The following KIAA1217 variants were observed in gnomAD, a reference collection of about 807,000 sequenced individuals.
KIAA1217 encodes the protein sickle tail protein homolog.
KIAA1217 carries 88 observed loss-of-function variants against 163.9 expected under a neutral mutation model. The ratio of observed to expected loss-of-function variants is 0.54; its 90% CI spans 0.45 to 0.64. The LOEUF (loss-of-function observed/expected upper bound fraction) is 0.64. Among genes scored for constraint, KIAA1217 ranks in the 30% least tolerant of loss-of-function variants. KIAA1217 has a pLI of 0.00. For synonymous variants in KIAA1217, 903 were observed against 923.1 expected (o/e 0.98, Z 0.39); for missense variants, 2,372 against 2,475.0 (o/e 0.96, Z 0.88).
chr10:24,214,314 C>T (rs1432894039), intron 1 of KIAA1217, among the ~76,000 whole-genome samples: 1 of 152,186 alleles, frequency 6.6e-6, no homozygotes, highest in Non-Finnish European at 1.5e-5. Flanking sequence ...GTTAATTGTT[C>T]ACTCAGACAC....
At chr10:24,082,865 G>A (rs1268487232) in intron 2 of KIAA1217, among the ~76,000 whole-genome samples, 2 of 152,202 alleles carry the variant, frequency 1.3e-5, no homozygotes, top group Non-Finnish European at 2.9e-5. Flanking sequence ...CCCACCAACA[G>A]TGTAAAAGTG....
At chr10:23,882,669 C>T (rs2131193170) in intron 1 of KIAA1217, among the ~76,000 whole-genome samples, 1 of 152,014 alleles carries the variant, frequency 6.6e-6, no homozygotes, top group Middle Eastern at 3.4e-3. Context: ...GTGTTCGTCA[C>T]TCAAGATAGC....
chr10:24,470,534 G>A (rs562924770), intron 5 of KIAA1217, among the ~76,000 whole-genome samples: 4 of 152,136 alleles, frequency 2.6e-5, no homozygotes, highest in Non-Finnish European at 5.9e-5. Flanking sequence ...CCTGGAGTGA[G>A]GACAGCATCA....
intron 3 of KIAA1217, among the ~76,000 whole-genome samples, chr10:24,424,282 C>T (rs183958698): frequency 5.3e-5 from 8 of 152,276 alleles, no homozygotes; most frequent in Admixed American, 6.5e-5. Flanking sequence ...AACACACACA[C>T]CCTTGTTCAA....
intron 2 of KIAA1217, among the ~76,000 whole-genome samples, chr10:24,348,126 G>T (rs1447316366): frequency 6.6e-6 from 1 of 152,202 alleles, no homozygotes; most frequent in East Asian, 1.9e-4. Context: ...GGAGGCAGAG[G>T]CAGGTAGATC....
intron 2 of KIAA1217, among the ~76,000 whole-genome samples, chr10:24,141,497 T>G (rs1425798975): frequency 6.6e-6 from 1 of 152,186 alleles, no homozygotes; most frequent in East Asian, 1.9e-4. Flanking sequence ...GCAGAGATAT[T>G]GCAGAAAAGG....
At chr10:23,717,196 C>A (rs1459913013) in intron 1 of KIAA1217, among the ~76,000 whole-genome samples, 3 of 152,084 alleles carry the variant, frequency 2.0e-5, no homozygotes, top group Non-Finnish European at 2.9e-5. Context: ...TAAAATGCTT[C>A]CTGGTATTAA....
intron 1 of KIAA1217, among the ~76,000 whole-genome samples, chr10:23,809,754 CACTT>C (rs1169034648): frequency 6.6e-6 from 1 of 151,910 alleles, no homozygotes; most frequent in African/African-American, 2.4e-5. Flanking sequence ...AAGAAAAAAT[CACTT>C]ACAATAGTAT....
intron 1 of KIAA1217, among the ~76,000 whole-genome samples, chr10:23,876,273 C>A (rs1840689389): frequency 6.6e-6 from 1 of 151,464 alleles, no homozygotes; most frequent in African/African-American, 2.4e-5. Context: ...AGTGGGAGCA[C>A]AACACTGGGT....
chr10:24,233,654 T>G (rs749365648), intron 2 of KIAA1217, among the ~76,000 whole-genome samples: 13 of 152,230 alleles, frequency 8.5e-5, no homozygotes, highest in Non-Finnish European at 1.5e-4. Flanking sequence ...TTCTTACTTT[T>G]AAATTTCGCT....
At chr10:24,108,091 C>A (rs1051963464) in intron 2 of KIAA1217, among the ~76,000 whole-genome samples, 7 of 152,080 alleles carry the variant, frequency 4.6e-5, no homozygotes, top group Admixed American at 2.0e-4. Flanking sequence ...CAAGAAGGTT[C>A]CAGAAGCCTG....
chr10:23,978,719 G>A (rs542870799), intron 1 of KIAA1217, among the ~76,000 whole-genome samples: 53 of 151,992 alleles, frequency 3.5e-4, no homozygotes, highest in Non-Finnish European at 3.1e-4. Flanking sequence ...ATACATACTA[G>A]TATGTGACAT....
chr10:24,078,067 C>T (rs781154985), intron 2 of KIAA1217, among the ~76,000 whole-genome samples: 12 of 152,070 alleles, frequency 7.9e-5, no homozygotes, highest in Non-Finnish European at 1.5e-4. Context: ...TATTAAAGTT[C>T]CTTAAAGATG....
chr10:23,708,320 C>T, intron 1 of KIAA1217, among the ~76,000 whole-genome samples: 1 of 152,160 alleles, frequency 6.6e-6, no homozygotes, highest in East Asian at 1.9e-4. Context: ...GTGCTCATAG[C>T]CAAACCCTAT....
At chr10:24,158,274 A>C (rs1448602500) in intron 2 of KIAA1217, 15 of 716,388 alleles carry the variant, frequency 2.1e-5, no homozygotes, top group Non-Finnish European at 4.0e-5. Flanking sequence ...GAAAGATGAC[A>C]TTTTCTCCTT....
chr10:24,499,748 A>C (rs1464479979), intron 8 of KIAA1217, among the ~76,000 whole-genome samples: 1 of 152,076 alleles, frequency 6.6e-6, no homozygotes, highest in Non-Finnish European at 1.5e-5. Context: ...AAAAGAAAGA[A>C]AGAAACATAA....
intron 11 of KIAA1217, among the ~76,000 whole-genome samples, chr10:24,521,273 T>C (rs1335229103): frequency 6.6e-6 from 1 of 151,388 alleles, no homozygotes; most frequent in African/African-American, 2.4e-5. Context: ...GAGGTTACAG[T>C]AAGCCAAGAT....
At chr10:24,099,697 G>A (rs982814209) in intron 2 of KIAA1217, among the ~76,000 whole-genome samples, 3 of 148,910 alleles carry the variant, frequency 2.0e-5, no homozygotes, top group Admixed American at 1.3e-4. Context: ...CCATTAACTC[G>A]TCATTTACAT....
intron 3 of KIAA1217, among the ~76,000 whole-genome samples, chr10:24,393,496 C>T (rs766111229): frequency 1.1e-4 from 16 of 152,152 alleles, no homozygotes; most frequent in Non-Finnish European, 1.9e-4. Context: ...TGACGCTCTT[C>T]GGTTTCTTGT....
Sources: allele counts gnomAD v4.1 joint callset (sites outside exome capture counted in the v4.1 genomes callset), GRCh38; gene constraint gnomAD v4.1.1; transcripts MANE v1.5; gene names NCBI Gene and HGNC (gene_info 2026-07-23, HGNC 2026-07-21).